The following NUMA1 variants were observed in gnomAD, a reference collection of about 807,000 sequenced individuals.
NUMA1 encodes SP-H antigen.
A neutral mutation model predicts 237.1 loss-of-function variants in NUMA1; 62 were observed. The ratio of observed to expected loss-of-function variants is 0.26; its 90% CI spans 0.21 to 0.32. The LOEUF is 0.32. Ranked by LOEUF, NUMA1 falls within the 10% of genes least tolerant of loss-of-function variation. The probability of loss-of-function intolerance (pLI) is 1.00; values close to 1 mark genes in which losing one functional copy is unlikely to be tolerated. For missense variants in NUMA1, 2,533 were observed against 2,666.5 expected (o/e 0.95, Z 1.10); for synonymous variants, 1,028 against 1,066.1 (o/e 0.96, Z 0.70).
At chr11:72,028,629 C>A (rs1296251796) in intron 4 of NUMA1, among the ~76,000 whole-genome samples, 4 of 152,102 alleles carry the variant, frequency 2.6e-5, no homozygotes, top group African/African-American at 4.8e-5. Context: ...TGCATGGTAA[C>A]AACAAGCTTA....
intron 2 of NUMA1, among the ~76,000 whole-genome samples, chr11:72,052,630 G>C (rs1942431479): frequency 6.6e-6 from 1 of 152,066 alleles, no homozygotes; most frequent in Non-Finnish European, 1.5e-5. Context: ...GCTGGGTGTG[G>C]TCACATGCCT....
Position 72,014,772 on chromosome 11 carries a change from C to A in NUMA1, c.2731G>T (p.Ala911Ser), listed in dbSNP as rs201829820. The A allele has an allele frequency of 1.2e-6, 2 of 1,614,184 alleles. No homozygotes were observed. The highest frequency in any genetic ancestry group is 4.5e-5 in the East Asian group (2 of 44,878). The change falls in exon 15 of 27, where the codon GCC (alanine) becomes TCC (serine). Residue 911 changes from alanine (A) to serine (S), a missense_variant. Ala to Ser is a moderately conservative substitution (Grantham distance 99). Coordinates refer to ENST00000393695, the MANE Select transcript of NUMA1 (RefSeq NM_006185.4). The surrounding 1 kb of genome is among the most constrained non-coding windows in gnomAD (Gnocchi z 4.6). Reference protein sequence around the residue: ...DLSTLQEKMAATSKEVARLET... With the variant: ...DLSTLQEKMASTSKEVARLET... ...AAGCGGGCCACCTCTTTGCTGGTGG[C>A]AGCCATCTTTTCCTGCAGAGTGGAG...
intron 2 of NUMA1, among the ~76,000 whole-genome samples, chr11:72,043,720 T>C (rs1941831562): frequency 6.6e-6 from 1 of 152,102 alleles, no homozygotes; most frequent in African/African-American, 2.4e-5. Context: ...GTCACAATCA[T>C]TGGCTACAGT....
intron 2 of NUMA1, among the ~76,000 whole-genome samples, chr11:72,063,367 G>C (rs1276228424): frequency 6.6e-6 from 1 of 152,130 alleles, no homozygotes; most frequent in Non-Finnish European, 1.5e-5. Context: ...CTGGGTGACA[G>C]AGTGAGACCC....
At chr11:72,069,167 G>A (rs981191395) in intron 2 of NUMA1, among the ~76,000 whole-genome samples, 3 of 152,148 alleles carry the variant, frequency 2.0e-5, no homozygotes, top group Non-Finnish European at 4.4e-5. Context: ...TACAATATCT[G>A]TCACATTTGT....
intron 2 of NUMA1, chr11:72,039,681 A>C (rs1484015369): frequency 6.6e-6 from 1 of 152,262 alleles, no homozygotes; most frequent in African/African-American, 2.4e-5. Flanking sequence ...CACAAAGGAA[A>C]TGGCTGCCCC....
chr11:72,042,012 T>A (rs944291502), intron 2 of NUMA1: 1 of 152,494 alleles, frequency 6.6e-6, no homozygotes, highest in Admixed American at 6.5e-5. Context: ...CCTGTTCCGC[T>A]GAGCATTTAT....
At chr11:72,023,951 C>A in intron 5 of NUMA1, 1 of 298,392 alleles carries the variant, frequency 3.4e-6, no homozygotes, top group South Asian at 4.4e-5. Flanking sequence ...CTCATTCTCT[C>A]TTCTGTCTCC....
At chr11:72,058,126 T>C (rs1942763204) in intron 2 of NUMA1, among the ~76,000 whole-genome samples, 1 of 152,166 alleles carries the variant, frequency 6.6e-6, no homozygotes, top group Non-Finnish European at 1.5e-5. Context: ...GGAAACTTCA[T>C]TTCTTGCTTA....
intron 2 of NUMA1, chr11:72,049,298 T>C (rs1942174991): frequency 2.0e-5 from 3 of 151,912 alleles, no homozygotes; most frequent in Admixed American, 6.6e-5. Context: ...GAAAACATAG[T>C]AGATCTGGTG....
chr11:72,058,976 T>G (rs943901492), intron 2 of NUMA1, among the ~76,000 whole-genome samples: 1 of 152,168 alleles, frequency 6.6e-6, no homozygotes, highest in African/African-American at 2.4e-5. Context: ...ATTATCACTG[T>G]GAAATAATAT....
intron 2 of NUMA1, among the ~76,000 whole-genome samples, chr11:72,037,687 T>G (rs557537968): frequency 1.3e-5 from 2 of 152,304 alleles, no homozygotes; most frequent in Admixed American, 6.5e-5. Context: ...CTAATTACAA[T>G]TAAGTGCTTC....
In NUMA1 at chr11:72,016,057, C is replaced by G; in HGVS notation, c.1446G>C (p.Lys482Asn). The change falls in exon 15 of 27, where the codon AAG becomes AAC. Residue 482 changes from lysine (K) to asparagine (N), a missense_variant. By Grantham distance (94) the Lys-to-Asn change is moderately conservative. Coordinates refer to ENST00000393695, the MANE Select transcript of NUMA1 (RefSeq NM_006185.4). ...CCTGGGAGGCCTGCTCCAGCTCTTC[C>G]TTGGCCTGGCTGAGGTTGGAGATGG... ...QSSISNLSQA[K>N]EELEQASQAH... is the part of the protein sequence containing the mutation. The G allele has an allele frequency of 6.2e-7, 1 of 1,614,158 alleles. No individual in the cohort carries two copies.
intron 2 of NUMA1, among the ~76,000 whole-genome samples, chr11:72,058,640 C>G (rs1942789560): frequency 6.6e-6 from 1 of 152,210 alleles, no homozygotes; most frequent in African/African-American, 2.4e-5. Context: ...CTCCTGGTCT[C>G]ATCATCATCC....
chr11:72,019,361 G>T, intron 9 of NUMA1, 133 bp downstream of exon 9: 1 of 1,202,180 alleles, frequency 8.3e-7, no homozygotes, highest in South Asian at 1.5e-5. Context: ...TGGGTGAGGT[G>T]AGGAGATCCC....
At chr11:72,009,409 G>A (rs200030710) in intron 17 of NUMA1, 22 bp from the exon 18 acceptor site, 24 of 1,587,176 alleles carry the variant, frequency 1.5e-5, no homozygotes, top group Non-Finnish European at 2.0e-5. Flanking sequence ...GGCCACTCAG[G>A]AAAGCTGGTC....
Position 72,051,471 on chromosome 11 carries a change from A to ATT in NUMA1, c.-32-15498_-32-15497dup, listed in dbSNP as rs61257330. ...TACATACTGTGCTAGGAATTCAAAG[A>ATT]TTTTTTTTTTTTTTTTTGAGACAAG... On this transcript the variant is annotated intron_variant, in intron 2 of 26. Transcript: ENST00000393695. 9.8e-3 allele frequency among the ~76,000 whole-genome samples: 1,393 copies of ATT among 142,620 alleles called. 13 individuals are homozygous for ATT. The highest frequency in any genetic ancestry group is 0.016 in the African/African-American group (620 of 38,576). The allele number at this position is 142,620 out of a possible 152,430, so 93.6% of individuals were successfully genotyped here.
At chr11:72,012,013 A>G (rs1161873856) in intron 16 of NUMA1, among the ~76,000 whole-genome samples, 19 of 152,230 alleles carry the variant, frequency 1.2e-4, no homozygotes, top group Admixed American at 1.2e-3. Flanking sequence ...ATGTTAAACA[A>G]GGCCGACACG....
chr11:72,019,452 G>C, intron 9 of NUMA1, 42 bp downstream of exon 9: 1 of 1,604,884 alleles, frequency 6.2e-7, no homozygotes. Flanking sequence ...GGAATGGATG[G>C]ATGCTGAGGC....
Sources: gnomAD v4.1 joint callset for allele counts (sites outside exome capture counted in the v4.1 genomes callset) on GRCh38, gnomAD v4.1.1 for gene constraint, Gnocchi (gnomAD v3.1) non-coding constraint, MANE v1.5 for transcripts, NCBI Gene and HGNC (gene_info 2026-07-23, HGNC 2026-07-21) for gene names.